PHF14: variants seen among roughly 807,000 people sequenced by gnomAD.
PHF14 encodes the protein PHD finger protein 14.
A neutral mutation model predicts 117.9 loss-of-function variants in PHF14; 55 were observed. The observed-to-expected ratio is 0.47, with a 90% CI of 0.38 to 0.58. PHF14 has a LOEUF of 0.58. Among genes scored for constraint, PHF14 ranks in the 20% least tolerant of loss-of-function variants. The pLI is 0.00. For missense variants in PHF14, 978 were observed against 1,122.2 expected (o/e 0.87, Z 1.84); for synonymous variants, 409 against 368.6 (o/e 1.11, Z -1.26).
intron 17 of PHF14, among the ~76,000 whole-genome samples, chr7:11,134,021 TC>T (rs1195788160): frequency 6.6e-6 from 1 of 152,020 alleles, no homozygotes; most frequent in East Asian, 1.9e-4. Flanking sequence ...AAATTAGCCT[TC>T]CCACTTAAAT....
chr7:11,000,095 G>C (rs1328129494), intron 4 of PHF14, among the ~76,000 whole-genome samples: 1 of 152,018 alleles, frequency 6.6e-6, no homozygotes, highest in Non-Finnish European at 1.5e-5. Flanking sequence ...TTAATTTATT[G>C]GTAGTAATTT....
chr7:11,075,417 C>T (rs1003607743), intron 16 of PHF14, among the ~76,000 whole-genome samples: 2 of 152,084 alleles, frequency 1.3e-5, no homozygotes, highest in South Asian at 4.2e-4. Context: ...GGCAAGGCCT[C>T]AGTAAACTTA....
Position 11,117,409 on chromosome 7 carries a change from A to T in PHF14, c.2772+5942A>T, listed in dbSNP as rs1787627008. On this transcript the variant is annotated intron_variant, in intron 17 of 17. Coordinates refer to ENST00000634607, the MANE Select transcript of PHF14 (RefSeq NM_001007157.2). ...AATTTCATCCAAGTCCTTATAGGAG[A>T]TTTTCTAGAACTACAAATGCGTGAC... 1.3e-5 allele frequency among the ~76,000 whole-genome samples: 2 copies of T among 151,716 alleles called. 1 individual carries two copies. The highest frequency in any genetic ancestry group is 4.1e-4 in the South Asian group (2 of 4,826).
At chr7:11,147,680 T>G (rs1394613473) in intron 17 of PHF14, among the ~76,000 whole-genome samples, 1 of 152,226 alleles carries the variant, frequency 6.6e-6, no homozygotes, top group Non-Finnish European at 1.5e-5. Context: ...CTTCTCAGTC[T>G]TCTTAACTGA....
intron 16 of PHF14, chr7:11,104,810 A>G (rs1413878713): frequency 2.7e-6 from 2 of 744,466 alleles, no homozygotes; most frequent in African/African-American, 1.9e-5. Context: ...ATTTCTAACA[A>G]GTTCCCAGCT....
At chr7:10,974,757 T>C (rs1781804434) in intron 1 of PHF14, 78 bp from the exon 2 acceptor site, 9 of 755,898 alleles carry the variant, frequency 1.2e-5, no homozygotes, top group Non-Finnish European at 2.0e-5. Flanking sequence ...AGGTCATCTT[T>C]ATGTTCTCTT....
rs1482257252 is a variant in PHF14 at position 10,995,966 on chromosome 7, G to A, written c.1045+5119G>A. Among the ~76,000 whole-genome samples the A allele has an allele frequency of 3.3e-5, 5 of 152,244 alleles. No homozygotes were observed. The East Asian group carries it at 5.8e-4, about 18-fold the overall frequency. On this transcript the variant is annotated intron_variant, in intron 4 of 17. Coordinates refer to ENST00000634607, the MANE Select transcript of PHF14 (RefSeq NM_001007157.2). ...CTCCACCCTCGGCCAGCCCAGAGAGGGGCTCCCACAGTGCAGCTGCAGGCT... is the reference window on the plus strand; with the variant it reads ...CTCCACCCTCGGCCAGCCCAGAGAGAGGCTCCCACAGTGCAGCTGCAGGCT...
chr7:11,104,425 A>G (rs1787189639), intron 16 of PHF14: 1 of 958,292 alleles, frequency 1.0e-6, no homozygotes, highest in Admixed American at 6.2e-5. Context: ...ACAGTATAAA[A>G]TTATTCCGTG....
At position 11,040,719 on chromosome 7, in the gene PHF14, A is replaced by G. The variant is rs1286650719; in HGVS notation, c.2124A>G (p.Pro708=). Residue 708 remains proline, a synonymous_variant, in exon 12 of 18, where the codon CCA becomes CCG. Transcript: ENST00000634607. Reference sequence around the variant, plus strand: ...TGCGAGCACCCAAGGAGAGAAAACCAAGTAAAAAAGAAGGAGGCACACAAA... The same window carrying G: ...TGCGAGCACCCAAGGAGAGAAAACCGAGTAAAAAAGAAGGAGGCACACAAA... The part of the protein sequence containing the change: ...AILRAPKERK[P]SKKEGGTQKT... 1.9e-6 allele frequency: 3 copies of G among 1,570,988 alleles called. No individual in the cohort carries two copies. The highest frequency in any genetic ancestry group is 2.6e-6 in the Non-Finnish European group (3 of 1,157,174).
chr7:10,996,569 C>T (rs1208973264), intron 4 of PHF14, among the ~76,000 whole-genome samples: 2 of 151,814 alleles, frequency 1.3e-5, no homozygotes, highest in African/African-American at 4.8e-5. Context: ...AGTACACCAC[C>T]AGGCAAGCTA....
intron 16 of PHF14, among the ~76,000 whole-genome samples, chr7:11,065,393 G>T (rs1018257893): frequency 2.0e-5 from 3 of 151,916 alleles, no homozygotes; most frequent in Non-Finnish European, 4.4e-5. Context: ...TTTTTGTTTC[G>T]ACAGTTCATG....
intron 6 of PHF14, among the ~76,000 whole-genome samples, chr7:11,023,569 G>A (rs543036128): frequency 2.0e-5 from 3 of 152,200 alleles, no homozygotes; most frequent in Admixed American, 6.5e-5. Flanking sequence ...GCTCACGCCT[G>A]TTATCCCAGC....
In PHF14 at chr7:10,982,819, G is replaced by A; in HGVS notation, c.560G>A (p.Arg187Gln). Reference protein sequence around the residue: ...VSEPKKWNLRRNRPLLDFVSM... With the variant: ...VSEPKKWNLRQNRPLLDFVSM... The stretch of plus-strand genomic sequence containing the variant: ...GAGCCAAAAAAATGGAACCTTCGAC[G>A]AAACCGACCACTTCTGGATTTTGTG... Residue 187 changes from arginine (R) to glutamine (Q), a missense_variant, in exon 3 of 18, where the codon CGA (arginine) becomes CAA (glutamine). Arg to Gln is a conservative substitution (Grantham distance 43). This residue lies in a region of PHF14 where 414 missense variants were observed against 376.4 expected (regional missense o/e 1.10). Transcript: ENST00000634607. The A allele has an allele frequency of 1.2e-6, 2 of 1,613,850 alleles. No individual in the cohort carries two copies. Among genetic ancestry groups the A allele is most frequent in the Non-Finnish European group, 1.7e-6 (2 of 1,179,868 alleles).
chr7:11,111,973 G>C (rs1787462415), intron 17 of PHF14, among the ~76,000 whole-genome samples: 1 of 150,568 alleles, frequency 6.6e-6, no homozygotes, highest in Non-Finnish European at 1.5e-5. Context: ...TAGCTGAGTA[G>C]AATGAAATTT....
intron 17 of PHF14, among the ~76,000 whole-genome samples, chr7:11,137,044 A>G (rs982057041): frequency 4.6e-5 from 7 of 152,224 alleles, no homozygotes; most frequent in African/African-American, 1.7e-4. Context: ...ATTGGTTCTT[A>G]TGGGGGCAAA....
chr7:10,991,422 C>T (rs1393325158), intron 4 of PHF14, among the ~76,000 whole-genome samples: 7 of 152,132 alleles, frequency 4.6e-5, no homozygotes, highest in East Asian at 1.9e-4. Context: ...GTGATCCACC[C>T]GCCTTGGCCA....
At chr7:11,104,420 A>G (rs1296340085) in intron 16 of PHF14, 1 of 956,844 alleles carries the variant, frequency 1.0e-6, no homozygotes, top group Non-Finnish European at 1.2e-6. Context: ...TATCCACAGT[A>G]TAAAATTATT....
At chr7:11,040,477 A>G (rs533219821) in intron 11 of PHF14, among the ~76,000 whole-genome samples, 195 bp from the exon 12 acceptor site, 35 of 152,192 alleles carry the variant, frequency 2.3e-4, no homozygotes, top group African/African-American at 7.9e-4. Context: ...GAAAGTCTGT[A>G]ATTATAGATT....
chr7:11,003,408 T>C (rs929711395), intron 4 of PHF14, among the ~76,000 whole-genome samples: 1 of 152,224 alleles, frequency 6.6e-6, no homozygotes, highest in African/African-American at 2.4e-5. Flanking sequence ...AATACATAGG[T>C]GTTAAGCCAG....
Sources: allele counts gnomAD v4.1 joint callset (sites outside exome capture counted in the v4.1 genomes callset), GRCh38; gene constraint gnomAD v4.1.1; regional missense constraint gnomAD v4.1.1; transcripts MANE v1.5; gene names NCBI Gene and HGNC (gene_info 2026-07-23, HGNC 2026-07-21).